The following ELP4 variants were observed in gnomAD, a reference collection of about 807,000 sequenced individuals.
The protein encoded by ELP4 is elongator acetyltransferase complex subunit 4, also known as elongator complex protein 4.
In ELP4, 51 loss-of-function variants were observed where a neutral mutation model predicts 48.9. That is an observed-to-expected ratio of 1.04 (90% CI 0.83 to 1.32). The LOEUF is 1.32. ELP4 is among the 40% of genes most tolerant of loss of function. ELP4 has a pLI of 0.00. For synonymous variants in ELP4, 210 were observed against 189.2 expected (o/e 1.11, Z -0.90); for missense variants, 519 against 514.6 (o/e 1.01, Z -0.08).
chr11:31,786,490 G>C lies in ELP4; in HGVS notation c.*2966G>C, dbSNP rs1948636724. ...GTTTATTCTTGAGAAATGAAAAAGA[G>C]AAGAATATATATTTCGCCTTGGTGA... On this transcript the variant is annotated 3_prime_UTR_variant, in exon 10 of 10. Coordinates refer to ENST00000640961, the MANE Select transcript of ELP4 (RefSeq NM_019040.5). The C allele has an allele frequency of 4.5e-6, 1 of 222,758 alleles. No homozygotes were observed. 13.8% of individuals were successfully genotyped at this position (222,758 alleles called of 1,614,324 possible). A position where few individuals can be genotyped will look rare whatever the true frequency, so the allele number is the denominator to read the frequency against.
At chr11:31,588,046 C>T (rs1326703070) in intron 3 of ELP4, among the ~76,000 whole-genome samples, 1 of 151,986 alleles carries the variant, frequency 6.6e-6, no homozygotes, top group African/African-American at 2.4e-5. Context: ...ACTTTTAAAA[C>T]ATATATGTTT....
chr11:31,782,107 A>G (rs773022220), intron 9 of ELP4, among the ~76,000 whole-genome samples: 3 of 152,176 alleles, frequency 2.0e-5, no homozygotes, highest in Non-Finnish European at 4.4e-5. Context: ...ATATATTTGT[A>G]TTAAAAATAA....
chr11:31,590,580 C>T (rs907151992), intron 3 of ELP4, among the ~76,000 whole-genome samples: 2 of 152,148 alleles, frequency 1.3e-5, no homozygotes, highest in Non-Finnish European at 2.9e-5. Context: ...TTCGGCCATT[C>T]TCAAATTGTT....
intron 9 of ELP4, among the ~76,000 whole-genome samples, chr11:31,738,940 T>C (rs1947384961): frequency 6.6e-6 from 1 of 152,220 alleles, no homozygotes; most frequent in East Asian, 1.9e-4. Flanking sequence ...GAGGCGTTGC[T>C]GTTCAATGAG....
chr11:31,736,114 G>A (rs562065343), intron 9 of ELP4, among the ~76,000 whole-genome samples: 1 of 152,160 alleles, frequency 6.6e-6, no homozygotes, highest in Non-Finnish European at 1.5e-5. Context: ...CATGGTACTG[G>A]TACCAAAACA....
chr11:31,691,986 C>T (rs755870436), intron 9 of ELP4, among the ~76,000 whole-genome samples: 10 of 152,092 alleles, frequency 6.6e-5, no homozygotes, highest in Non-Finnish European at 1.2e-4. Flanking sequence ...AGGAGAATTG[C>T]CCCCATGTTT....
intron 9 of ELP4, among the ~76,000 whole-genome samples, chr11:31,731,950 C>A (rs1267581725): frequency 6.6e-6 from 1 of 151,904 alleles, no homozygotes; most frequent in Non-Finnish European, 1.5e-5. Flanking sequence ...AGAATAGTAT[C>A]TCTGGCAAAA....
chr11:31,627,174 TTTGA>T lies in ELP4; in HGVS notation c.720_723del (p.Phe240LeufsTer13). The T allele has an allele frequency of 6.3e-7, 1 of 1,597,388 alleles. No homozygotes were observed. Among genetic ancestry groups the T allele is most frequent in the Non-Finnish European group, 8.5e-7 (1 of 1,170,266 alleles). On this transcript the variant is annotated frameshift_variant, in exon 6 of 10. Coordinates refer to ENST00000640961, the MANE Select transcript of ELP4 (RefSeq NM_019040.5). LOFTEE classifies it high-confidence loss of function. The stretch of plus-strand genomic sequence containing the variant: ...CCAGAACATCATTTATGAGGAAGGA[TTTGA>T]TGGATCCAATCCTCAGGTATTAAAT...
chr11:31,745,190 C>G lies in ELP4; in HGVS notation c.1144-38203C>G, dbSNP rs867118116. ...TAGGAATCCAACTTACAAGGGATGT[C>G]AAGGACCTCTTCAAGGAGAACTACA... On this transcript the variant is annotated intron_variant, in intron 9 of 9. Transcript: ENST00000640961. Among the ~76,000 whole-genome samples the G allele has an allele frequency of 2.8e-4, 43 of 151,510 alleles. 1 individual carries two copies. The highest frequency in any genetic ancestry group is 9.2e-4 in the Admixed American group (14 of 15,162).
At chr11:31,698,934 A>G (rs1273916590) in intron 9 of ELP4, among the ~76,000 whole-genome samples, 2 of 152,190 alleles carry the variant, frequency 1.3e-5, no homozygotes, top group South Asian at 4.1e-4. Flanking sequence ...CTGCTACAGT[A>G]TAAAACATTG....
chr11:31,610,048 A>G (rs1957948055), intron 5 of ELP4, among the ~76,000 whole-genome samples: 1 of 152,194 alleles, frequency 6.6e-6, no homozygotes, highest in Non-Finnish European at 1.5e-5. Flanking sequence ...CGTTGTCTTA[A>G]AAAAACAGAA....
intron 9 of ELP4, among the ~76,000 whole-genome samples, chr11:31,749,941 C>G (rs189264206): frequency 1.3e-5 from 2 of 151,608 alleles, no homozygotes; most frequent in Non-Finnish European, 2.9e-5. Flanking sequence ...CTGCAAGCTC[C>G]GCCTCCCAGG....
At chr11:31,548,407 A>G (rs1178655519) in intron 3 of ELP4, among the ~76,000 whole-genome samples, 2 of 151,542 alleles carry the variant, frequency 1.3e-5, no homozygotes, top group South Asian at 2.1e-4. Context: ...AGAATAAAAT[A>G]CCTAGGAATC....
intron 9 of ELP4, among the ~76,000 whole-genome samples, chr11:31,777,377 C>T (rs1263306934): frequency 6.6e-6 from 1 of 152,086 alleles, no homozygotes; most frequent in African/African-American, 2.4e-5. Context: ...CTTTTATTCC[C>T]ACCCTCTGGA....
chr11:31,768,882 G>A (rs1642594872), intron 9 of ELP4, among the ~76,000 whole-genome samples: 1 of 152,162 alleles, frequency 6.6e-6, no homozygotes, highest in African/African-American at 2.4e-5. Context: ...AGGGAGGGAC[G>A]AAAGAGGACT....
chr11:31,665,885 G>C (rs549641273), intron 9 of ELP4, among the ~76,000 whole-genome samples: 2 of 151,328 alleles, frequency 1.3e-5, no homozygotes, highest in East Asian at 3.9e-4. Flanking sequence ...GAACTCCTGG[G>C]CTCAAGCAGA....
intron 3 of ELP4, among the ~76,000 whole-genome samples, chr11:31,560,753 T>TAAAAC (rs1592117337): frequency 6.6e-6 from 1 of 151,060 alleles, no homozygotes; most frequent in African/African-American, 2.4e-5. Context: ...TGTATATATA[T>TAAAAC]ACGTACAGTC....
chr11:31,603,615 A>T, intron 4 of ELP4, 153 bp from the exon 5 acceptor site: 1 of 595,400 alleles, frequency 1.7e-6, no homozygotes, highest in Non-Finnish European at 2.8e-6. Context: ...AGGTTGTTGT[A>T]TGCTTCTTTG....
At chr11:31,637,382 GA>G (rs1201213287) in intron 7 of ELP4, 3 of 151,444 alleles carry the variant, frequency 2.0e-5, no homozygotes, top group Non-Finnish European at 4.4e-5. Flanking sequence ...ATTGAAAGAA[GA>G]AAAAAAGAAA....
Sources: allele counts gnomAD v4.1 joint callset (sites outside exome capture counted in the v4.1 genomes callset), GRCh38; gene constraint gnomAD v4.1.1; transcripts MANE v1.5; gene names NCBI Gene and HGNC (gene_info 2026-07-23, HGNC 2026-07-21).